Variants in CCDC144A observed in about 807,000 individuals in gnomAD.
The protein encoded by CCDC144A is coiled-coil domain-containing protein 144A.
In CCDC144A, 41 loss-of-function variants were observed where a neutral mutation model predicts 143.8. That is an observed-to-expected ratio of 0.29 (90% CI 0.22 to 0.37). The LOEUF (loss-of-function observed/expected upper bound fraction) is 0.37. Among genes scored for constraint, CCDC144A ranks in the 10% least tolerant of loss-of-function variants. CCDC144A has a pLI of 1.00. For missense variants in CCDC144A, 637 were observed against 1,488.8 expected (o/e 0.43, Z 9.41); for synonymous variants, 242 against 517.9 (o/e 0.47, Z 7.23).
intron 2 of CCDC144A, among the ~76,000 whole-genome samples, chr17:16,696,075 C>T (rs1413432066): frequency 8.5e-5 from 13 of 152,138 alleles, no homozygotes; most frequent in Admixed American, 5.2e-4. Context: ...AGTGCAGTGG[C>T]GTTCTCTTGG....
intron 12 of CCDC144A, among the ~76,000 whole-genome samples, chr17:16,748,473 G>A (rs1567604693): frequency 6.6e-6 from 1 of 152,168 alleles, no homozygotes; most frequent in African/African-American, 2.4e-5. Context: ...TTTTTGATGT[G>A]TTGCTGGATT....
At chr17:16,742,895 C>G (rs1039824438) in intron 12 of CCDC144A, among the ~76,000 whole-genome samples, 3 of 152,034 alleles carry the variant, frequency 2.0e-5, no homozygotes, top group Non-Finnish European at 4.4e-5. Flanking sequence ...TCTTTGTCCA[C>G]ATTTCAGGGG....
intron 8 of CCDC144A, among the ~76,000 whole-genome samples, chr17:16,726,473 C>G (rs1211690033): frequency 2.7e-5 from 4 of 149,764 alleles, no homozygotes; most frequent in Non-Finnish European, 4.4e-5. Flanking sequence ...CAGTTGAGTT[C>G]CATATGAACA....
At chr17:16,748,260 C>A (rs1007773547) in intron 12 of CCDC144A, among the ~76,000 whole-genome samples, 4 of 151,986 alleles carry the variant, frequency 2.6e-5, no homozygotes, top group Non-Finnish European at 4.4e-5. Flanking sequence ...ATTTTGAGGT[C>A]TGTTTCTTTG....
At chr17:16,677,551 T>C in the CCDC144A span, among the ~76,000 whole-genome samples, 4 of 151,942 alleles carry the variant, frequency 2.6e-5, no homozygotes, top group South Asian at 8.4e-4. Flanking sequence ...AGAGACCCCA[T>C]GAATGGGATT....
At chr17:16,668,872 A>G in the CCDC144A span, among the ~76,000 whole-genome samples, 1 of 152,134 alleles carries the variant, frequency 6.6e-6, no homozygotes, top group African/African-American at 2.4e-5. Context: ...CATTAATTCC[A>G]TCATAAGGAC....
rs571205379 is a variant in CCDC144A, at chr17:16,740,416, A to G, written c.3372+4773A>G. On this transcript the variant is annotated intron_variant, in intron 12 of 16. Transcript: ENST00000399273. ...ATTGAATAAATACTTCAACCCATTC[A>G]AAGAACAACTTCCAGGAGTACAGCA... Among the ~76,000 whole-genome samples the G allele has an allele frequency of 3.8e-3, 583 of 152,342 alleles. 7 individuals are homozygous for G. Among genetic ancestry groups the G allele is most frequent in the African/African-American group, 0.013 (555 of 41,580 alleles).
At position 16,751,117 on chromosome 17, in the gene CCDC144A, A is replaced by G. The variant is rs1234915860; in HGVS notation, c.3373-10308A>G. ...AAATGCTCTGATTTGTTGAATTGCT[A>G]GAGTTCTTGTACTGATTATTCCTCC... On this transcript the variant is annotated intron_variant, in intron 12 of 16. Coordinates refer to ENST00000399273, the MANE Select transcript of CCDC144A (RefSeq NM_001382000.1). 4.1e-4 allele frequency among the ~76,000 whole-genome samples: 63 copies of G among 152,242 alleles called. 2 individuals are homozygous for G. The highest frequency in any genetic ancestry group is 4.1e-3 in the Admixed American group (62 of 15,284).
the CCDC144A span, among the ~76,000 whole-genome samples, chr17:16,682,883 GTTTTTTTTTTTTTTTTT>G: frequency 4.1e-3 from 190 of 46,446 alleles, 3 homozygotes; most frequent in Non-Finnish European, 6.7e-3. Flanking sequence ...TGGATTCTCT[GTTTTTTTTTTTTTTTTT>G]TTTTTTTTTT....
At chr17:16,739,546 G>T (rs1914165438) in intron 12 of CCDC144A, among the ~76,000 whole-genome samples, 1 of 149,504 alleles carries the variant, frequency 6.7e-6, no homozygotes, top group African/African-American at 2.5e-5. Context: ...TATAGTTTTA[G>T]TTCTTACATT....
chr17:16,672,386 A>G, the CCDC144A span, among the ~76,000 whole-genome samples: 1 of 152,040 alleles, frequency 6.6e-6, no homozygotes, highest in Non-Finnish European at 1.5e-5. Flanking sequence ...TGGAGGTTGC[A>G]GTGAGCCAAG....
intron 15 of CCDC144A, among the ~76,000 whole-genome samples, chr17:16,771,625 C>A (rs1445068531): frequency 5.3e-5 from 8 of 152,206 alleles, no homozygotes; most frequent in Non-Finnish European, 7.3e-5. Flanking sequence ...TGATAAAGGG[C>A]AGAGTTTTGA....
intron 15 of CCDC144A, chr17:16,764,842 T>G (rs1314211387): frequency 6.7e-6 from 1 of 149,928 alleles, no homozygotes; most frequent in African/African-American, 2.5e-5. Context: ...TTAAATCAAA[T>G]AAATATTTGA....
chr17:16,706,675 C>T (rs1246092392), intron 3 of CCDC144A: 1 of 150,632 alleles, frequency 6.6e-6, no homozygotes, highest in Non-Finnish European at 1.5e-5. Flanking sequence ...TCTTTAAATC[C>T]TAGTGCCTAG....
chr17:16,729,631 T>C (rs1216833858), intron 9 of CCDC144A, among the ~76,000 whole-genome samples: 1 of 151,886 alleles, frequency 6.6e-6, no homozygotes, highest in Non-Finnish European at 1.5e-5. Context: ...TCTCGGCTCA[T>C]GGCTACCTCT....
rs1169928835 is a variant in CCDC144A at position 16,745,933 on chromosome 17, G to T, written c.3372+10290G>T. The T allele has an allele frequency of 5.6e-6, 9 of 1,603,540 alleles. No homozygotes were observed. The African/African-American group carries it at 6.7e-5, about 12-fold the overall frequency. Reference sequence around the variant, plus strand: ...TCATCCTCACTCCTTCTGGAAAGCCGGTCAGGCTCGTGGTGAGCTCTGTGC... The same window carrying T: ...TCATCCTCACTCCTTCTGGAAAGCCTGTCAGGCTCGTGGTGAGCTCTGTGC... On this transcript the variant is annotated intron_variant, in intron 12 of 16. Coordinates refer to ENST00000399273, the MANE Select transcript of CCDC144A (RefSeq NM_001382000.1).
intron 12 of CCDC144A, among the ~76,000 whole-genome samples, chr17:16,738,987 TAG>T (rs1914142932): frequency 7.0e-6 from 1 of 143,088 alleles, no homozygotes; most frequent in Admixed American, 6.9e-5. Context: ...AATTCCAACC[TAG>T]AGGTATGAAG....
At chr17:16,686,882 T>C (rs1910804922), upstream of CCDC144A, among the ~76,000 whole-genome samples, 1 of 152,006 alleles carries the variant, frequency 6.6e-6, no homozygotes, top group South Asian at 2.1e-4. Flanking sequence ...GAATAGGCCT[T>C]CTAGCACAGC....
At chr17:16,754,985 C>G (rs1271809430) in intron 12 of CCDC144A, among the ~76,000 whole-genome samples, 2 of 152,218 alleles carry the variant, frequency 1.3e-5, no homozygotes, top group Admixed American at 6.5e-5. Flanking sequence ...TAATGCCCTT[C>G]TCTTTCTCTT....
Sources: gnomAD v4.1 joint callset for allele counts (sites outside exome capture counted in the v4.1 genomes callset) on GRCh38, gnomAD v4.1.1 for gene constraint, MANE v1.5 for transcripts, NCBI Gene and HGNC (gene_info 2026-07-23, HGNC 2026-07-21) for gene names.